Variants in LINGO2 observed in about 807,000 individuals in gnomAD.
LINGO2 encodes leucine-rich repeat and immunoglobulin-like domain-containing nogo receptor-interacting protein 2.
LINGO2 carries 14 observed loss-of-function variants against 30.6 expected under a neutral mutation model. The ratio of observed to expected loss-of-function variants is 0.46; its 90% confidence interval spans 0.30 to 0.72. The LOEUF (loss-of-function observed/expected upper bound fraction) is 0.72, where lower values mean the gene tolerates loss of function less well. LINGO2 is among the 30% of genes least tolerant of loss of function. LINGO2 has a pLI of 0.07. For missense variants in LINGO2, 729 were observed against 751.7 expected (o/e 0.97, Z 0.35); for synonymous variants, 317 against 288.5 (o/e 1.10, Z -1.00).
the LINGO2 span, among the ~76,000 whole-genome samples, chr9:28,947,740 A>C: frequency 1.3e-5 from 2 of 151,434 alleles, no homozygotes; most frequent in African/African-American, 4.8e-5. Context: ...TATTATATAT[A>C]CATTTCCTTT....
At chr9:29,017,372 T>C in the LINGO2 span, among the ~76,000 whole-genome samples, 1 of 152,176 alleles carries the variant, frequency 6.6e-6, no homozygotes, top group African/African-American at 2.4e-5. Flanking sequence ...TCTCAGCTTT[T>C]TGAAATCAAA....
At chr9:28,639,247 G>A (rs1302422319) in intron 1 of LINGO2, among the ~76,000 whole-genome samples, 4 of 152,102 alleles carry the variant, frequency 2.6e-5, no homozygotes, top group African/African-American at 4.8e-5. Flanking sequence ...CAACTATGTG[G>A]TCAATTTTGG....
At chr9:28,658,658 G>T (rs1422292930) in intron 1 of LINGO2, among the ~76,000 whole-genome samples, 1 of 151,894 alleles carries the variant, frequency 6.6e-6, no homozygotes, top group Non-Finnish European at 1.5e-5. Context: ...GCATATAGTT[G>T]GATTTTATTT....
chr9:27,962,675 TCA>T (rs1819907034), intron 5 of LINGO2, among the ~76,000 whole-genome samples: 1 of 152,176 alleles, frequency 6.6e-6, no homozygotes, highest in Admixed American at 6.5e-5. Flanking sequence ...CAAATATTTC[TCA>T]GTTTTAGCCC....
chr9:28,181,118 G>C (rs1828898568), intron 4 of LINGO2, among the ~76,000 whole-genome samples: 1 of 152,100 alleles, frequency 6.6e-6, no homozygotes, highest in Non-Finnish European at 1.5e-5. Context: ...GATGAATGGG[G>C]CTGAAGGGAG....
intron 5 of LINGO2, among the ~76,000 whole-genome samples, chr9:27,983,782 C>T (rs1018247018): frequency 1.3e-5 from 2 of 151,924 alleles, no homozygotes; most frequent in African/African-American, 2.4e-5. Flanking sequence ...CAATTCCCAC[C>T]GTGGTTTGTT....
the LINGO2 span, among the ~76,000 whole-genome samples, chr9:28,861,289 AT>A: frequency 1.6e-5 from 2 of 125,090 alleles, no homozygotes; most frequent in African/African-American, 6.1e-5. Context: ...TATATTATAT[AT>A]TTTATATATT....
At chr9:28,594,540 T>C (rs1046445603) in intron 1 of LINGO2, among the ~76,000 whole-genome samples, 1 of 152,138 alleles carries the variant, frequency 6.6e-6, no homozygotes, top group Non-Finnish European at 1.5e-5. Context: ...CTTCTGGAAC[T>C]GGTATTTTAC....
chr9:28,089,100 C>T (rs1032832101), intron 4 of LINGO2, among the ~76,000 whole-genome samples: 10 of 152,064 alleles, frequency 6.6e-5, no homozygotes, highest in Non-Finnish European at 1.5e-5. Flanking sequence ...ACTTAGACTC[C>T]CACACAATAA....
At chr9:28,083,398 T>G (rs913225665) in intron 4 of LINGO2, among the ~76,000 whole-genome samples, 3 of 152,110 alleles carry the variant, frequency 2.0e-5, no homozygotes, top group African/African-American at 7.2e-5. Context: ...CTGTTCTAAT[T>G]TTGAAAAGAC....
chr9:29,034,420 T>C, the LINGO2 span, among the ~76,000 whole-genome samples: 2 of 152,138 alleles, frequency 1.3e-5, no homozygotes, highest in African/African-American at 4.8e-5. Flanking sequence ...CACTAACATA[T>C]TGCGTGACCT....
At chr9:29,017,710 G>A in the LINGO2 span, among the ~76,000 whole-genome samples, 1 of 152,088 alleles carries the variant, frequency 6.6e-6, no homozygotes, top group Non-Finnish European at 1.5e-5. Context: ...GAAGTCAGGA[G>A]AAGCTCCCCA....
intron 1 of LINGO2, among the ~76,000 whole-genome samples, chr9:28,488,233 C>T (rs185597162): frequency 2.6e-5 from 4 of 152,008 alleles, no homozygotes; most frequent in African/African-American, 9.7e-5. Context: ...TAATGTTTGG[C>T]AAATATTTGA....
In LINGO2 at chr9:28,416,440, A is replaced by G. The variant is rs556394686; in HGVS notation, c.-278-43572T>C. On this transcript the variant is annotated intron_variant, in intron 2 of 5. Transcript: ENST00000379992. ...ATATTTTGAACATCCACAATTTACTAAAGTGTGTCATCACCTCACTATCAC... is the reference window on the plus strand; with the variant it reads ...ATATTTTGAACATCCACAATTTACTGAAGTGTGTCATCACCTCACTATCAC... Among the ~76,000 whole-genome samples the G allele has an allele frequency of 3.5e-4, 54 of 152,290 alleles. No individual in the cohort carries two copies. In the South Asian group the frequency reaches 9.3e-3, roughly 26 times the overall value.
intron 4 of LINGO2, among the ~76,000 whole-genome samples, chr9:28,127,378 T>C (rs1200098506): frequency 6.6e-6 from 1 of 152,190 alleles, no homozygotes; most frequent in Non-Finnish European, 1.5e-5. Context: ...AGAGACTACA[T>C]CAGCCTCAGT....
intron 2 of LINGO2, among the ~76,000 whole-genome samples, chr9:28,428,390 G>C (rs1419794751): frequency 6.6e-6 from 1 of 152,158 alleles, no homozygotes; most frequent in African/African-American, 2.4e-5. Context: ...TGACGAAGCA[G>C]AATCACTGCT....
At chr9:27,956,611 A>C (rs1449924107) in intron 5 of LINGO2, among the ~76,000 whole-genome samples, 1 of 152,090 alleles carries the variant, frequency 6.6e-6, no homozygotes, top group Admixed American at 6.5e-5. Flanking sequence ...GAGCCCCTAG[A>C]GCCTATATGC....
intron 4 of LINGO2, among the ~76,000 whole-genome samples, chr9:28,262,176 T>C (rs1311400931): frequency 6.6e-6 from 1 of 151,970 alleles, no homozygotes; most frequent in African/African-American, 2.4e-5. Context: ...GTAATGGTAC[T>C]TACTTGTTTG....
At chr9:28,756,790 T>C in the LINGO2 span, among the ~76,000 whole-genome samples, 10 of 152,088 alleles carry the variant, frequency 6.6e-5, no homozygotes, top group Admixed American at 4.6e-4. Flanking sequence ...ACATGCCTTC[T>C]TCCCCTTCTG....
Sources: allele counts gnomAD v4.1 joint callset (sites outside exome capture counted in the v4.1 genomes callset), GRCh38; gene constraint gnomAD v4.1.1; transcripts MANE v1.5; gene names NCBI Gene and HGNC (gene_info 2026-07-23, HGNC 2026-07-21).